Variants in TARBP1 observed in about 807,000 individuals in gnomAD.
TARBP1 encodes the protein tRNA (guanosine(18)-2'-O)-methyltransferase TARBP1.
TARBP1 carries 144 observed loss-of-function variants against 178.6 expected under a neutral mutation model. The observed-to-expected ratio is 0.81, with a 90% confidence interval of 0.70 to 0.93. TARBP1 has a LOEUF of 0.93. Among genes scored for constraint, TARBP1 ranks in the 40% least tolerant of loss-of-function variants. The pLI is 0.00. For synonymous variants in TARBP1, 787 were observed against 781.0 expected (o/e 1.01, Z -0.13); for missense variants, 2,067 against 2,011.7 (o/e 1.03, Z -0.53).
In TARBP1 at chr1:234,392,561, T is replaced by G. The variant is rs370153867; in HGVS notation, c.4561-9A>C. ...AGCTGAGGTGGTTTTACCTGAATAT[T>G]AGTTTAAAAAGAACAGAATATTCAT... On this transcript the variant is annotated splice_polypyrimidine_tract_variant and intron_variant, in intron 28 of 29. Coordinates refer to ENST00000040877, the MANE Select transcript of TARBP1 (RefSeq NM_005646.4). The G allele has an allele frequency of 5.0e-5, 81 of 1,613,078 alleles. No individual in the cohort carries two copies. Among genetic ancestry groups the G allele is most frequent in the African/African-American group, 6.7e-5 (5 of 74,876 alleles).
intron 13 of TARBP1, 66 bp from the exon 14 acceptor site, chr1:234,433,637 C>G: frequency 1.4e-6 from 2 of 1,474,340 alleles, no homozygotes; most frequent in Non-Finnish European, 1.8e-6. Context: ...AACTACAAGC[C>G]TTCAGGCAGG....
At chr1:234,443,720 T>C (rs1665840234) in intron 12 of TARBP1, among the ~76,000 whole-genome samples, 1 of 152,218 alleles carries the variant, frequency 6.6e-6, no homozygotes, top group Non-Finnish European at 1.5e-5. Flanking sequence ...CATCAACAGA[T>C]GAATGGATAA....
At chr1:234,447,920 G>T (rs1007987323) in intron 11 of TARBP1, among the ~76,000 whole-genome samples, 3 of 152,070 alleles carry the variant, frequency 2.0e-5, no homozygotes, top group Admixed American at 6.6e-5. Flanking sequence ...ATTGTATATG[G>T]TTTTTTAATC....
rs766258836 is a variant in TARBP1, at chr1:234,479,152, G to T, written c.-49C>A. On this transcript the variant is annotated 5_prime_UTR_variant, in exon 1 of 30. Coordinates refer to ENST00000040877, the MANE Select transcript of TARBP1 (RefSeq NM_005646.4). ...CCCGGGCTCCCAAAGGAAGGCGCCG[G>T]CGTGTGCGATGCGTGCGCACAGGAC... 1 of 1,460,954 alleles carries T rather than the reference G, an allele frequency of 6.8e-7. No homozygotes were observed. The highest frequency in any genetic ancestry group is 2.8e-5 in the East Asian group (1 of 35,628). 90.5% of individuals were successfully genotyped at this position (1,460,954 alleles called of 1,614,324 possible). A position where few individuals can be genotyped will look rare whatever the true frequency, so the allele number is the denominator to read the frequency against.
chr1:234,441,489 T>C (rs928369662), intron 12 of TARBP1, among the ~76,000 whole-genome samples: 7 of 152,328 alleles, frequency 4.6e-5, no homozygotes, highest in Admixed American at 1.3e-4. Context: ...AAGAACAGAA[T>C]AGAGTCCAGA....
rs1486133651 is a variant in TARBP1, at chr1:234,440,674, C to T, written c.2135-3302G>A. Among the ~76,000 whole-genome samples, 5 of 152,162 alleles carry T rather than the reference C, an allele frequency of 3.3e-5. No homozygotes were observed. The East Asian group carries it at 5.8e-4, about 18-fold the overall frequency. ...TCAAACAAACCAACTCCTAGAATTA[C>T]GTCCTTCAGCAAGGTTACAGGATAC... On this transcript the variant is annotated intron_variant, in intron 12 of 29. Transcript: ENST00000040877.
chr1:234,478,577 C>G lies in TARBP1; in HGVS notation c.527G>C (p.Gly176Ala). 1 of 1,288,746 alleles carries G rather than the reference C, an allele frequency of 7.8e-7. No homozygotes were observed. The highest frequency in any genetic ancestry group is 9.8e-7 in the Non-Finnish European group (1 of 1,021,266). The allele number at this position is 1,288,746 out of a possible 1,614,324, so 79.8% of individuals were successfully genotyped here. A position where few individuals can be genotyped will look rare whatever the true frequency, so the allele number is the denominator to read the frequency against. ...GGCAGGCCCGGCCTCATCCCCGTCCCCGCCCCCGCCCAGCGCCAGGGCGAC... is the reference window on the plus strand; with the variant it reads ...GGCAGGCCCGGCCTCATCCCCGTCCGCGCCCCCGCCCAGCGCCAGGGCGAC... The part of the protein sequence containing the change: ...TAVALALGGG[G>A]DGDEAGPAED... Residue 176 changes from glycine (G) to alanine (A), a missense_variant, in exon 1 of 30, where the codon GGG becomes GCG. By Grantham distance (60) the Gly-to-Ala change is moderately conservative. Coordinates refer to ENST00000040877, the MANE Select transcript of TARBP1 (RefSeq NM_005646.4).
intron 13 of TARBP1, among the ~76,000 whole-genome samples, chr1:234,435,376 T>TTG (rs1189932288): frequency 6.8e-6 from 1 of 147,860 alleles, no homozygotes; most frequent in East Asian, 2.1e-4. Context: ...TACCAGCTAC[T>TTG]CGAGGCTGAG....
intron 9 of TARBP1, among the ~76,000 whole-genome samples, chr1:234,455,848 A>G (rs977748933): frequency 3.9e-5 from 6 of 152,298 alleles, no homozygotes; most frequent in African/African-American, 1.4e-4. Context: ...CAAGTAAAAA[A>G]GAAAAAAAAA....
intron 7 of TARBP1, among the ~76,000 whole-genome samples, chr1:234,459,948 A>G (rs1463818188): frequency 6.6e-6 from 1 of 151,938 alleles, no homozygotes; most frequent in Non-Finnish European, 1.5e-5. Flanking sequence ...TTATTGTTTG[A>G]TATTTTATCT....
chr1:234,474,132 T>C (rs1474815468), intron 1 of TARBP1, among the ~76,000 whole-genome samples: 4 of 151,964 alleles, frequency 2.6e-5, no homozygotes, highest in Non-Finnish European at 5.9e-5. Flanking sequence ...TCGTCCCAGC[T>C]TCTCTGGAGG....
intron 23 of TARBP1, among the ~76,000 whole-genome samples, chr1:234,408,750 C>T (rs933153947): frequency 3.9e-5 from 6 of 152,170 alleles, no homozygotes; most frequent in African/African-American, 1.4e-4. Context: ...GGCCTTCCCC[C>T]TCCCACCAAA....
rs905533596 is a variant in TARBP1 at position 234,416,159 on chromosome 1, C to T, written c.3705+1925G>A. Among the ~76,000 whole-genome samples, 17 of 152,318 alleles carry T rather than the reference C, an allele frequency of 1.1e-4. No individual in the cohort carries two copies. In the South Asian group the frequency reaches 2.5e-3, roughly 22 times the overall value. ...CTTTGTGAGAATTCCTGGGGCAGTG[C>T]TAACCCATTTGAGAGGTGACATAAA... On this transcript the variant is annotated intron_variant, in intron 22 of 29. Coordinates refer to ENST00000040877, the MANE Select transcript of TARBP1 (RefSeq NM_005646.4).
At chr1:234,472,545 A>G (rs962440015) in intron 2 of TARBP1, among the ~76,000 whole-genome samples, 169 bp downstream of exon 2, 4 of 152,190 alleles carry the variant, frequency 2.6e-5, no homozygotes, top group Non-Finnish European at 5.9e-5. Flanking sequence ...TAACTTCCTG[A>G]AACAACTTAC....
At position 234,405,903 on chromosome 1, in the gene TARBP1, C is replaced by G. The variant is rs1372497823; in HGVS notation, c.3989G>C (p.Gly1330Ala). The change falls in exon 24 of 30, where the codon GGG becomes GCG. Residue 1330 changes from glycine to alanine, a missense_variant and splice_region_variant. Coordinates refer to ENST00000040877, the MANE Select transcript of TARBP1 (RefSeq NM_005646.4). ...GATGAGGTTGACGAGGGCTCCTTAC[C>G]CTGCTCCGTGCATGCTTTCCACTTG... ...LHQVESMHGAGNAKKNWQRIQ... is the reference protein window; with the variant it reads ...LHQVESMHGAANAKKNWQRIQ... The G allele has an allele frequency of 2.5e-6, 4 of 1,613,298 alleles. No individual in the cohort carries two copies. The highest frequency in any genetic ancestry group is 1.7e-4 in the Middle Eastern group (1 of 6,056).
chr1:234,441,011 C>G (rs775160706), intron 12 of TARBP1, among the ~76,000 whole-genome samples: 2 of 152,164 alleles, frequency 1.3e-5, no homozygotes, highest in Non-Finnish European at 2.9e-5. Flanking sequence ...CGGCAAAACC[C>G]CATCTCTACT....
intron 5 of TARBP1, among the ~76,000 whole-genome samples, chr1:234,464,135 A>G (rs774942247): frequency 1.3e-5 from 2 of 152,200 alleles, no homozygotes; most frequent in Non-Finnish European, 2.9e-5. Flanking sequence ...AACTTGTAGG[A>G]AAATGGACAT....
chr1:234,394,226 T>C (rs452725), intron 26 of TARBP1, among the ~76,000 whole-genome samples: 2 of 152,214 alleles, frequency 1.3e-5, no homozygotes, highest in Admixed American at 1.3e-4. Context: ...TATATTAGAT[T>C]GGGATTTTCT....
chr1:234,430,872 G>A (rs187457967), intron 14 of TARBP1, among the ~76,000 whole-genome samples: 1 of 152,344 alleles, frequency 6.6e-6, no homozygotes, highest in African/African-American at 2.4e-5. Context: ...ACCAGTATGA[G>A]TGTAGACATA....
Sources: gnomAD v4.1 joint callset for allele counts (sites outside exome capture counted in the v4.1 genomes callset) on GRCh38, gnomAD v4.1.1 for gene constraint, MANE v1.5 for transcripts, NCBI Gene and HGNC (gene_info 2026-07-23, HGNC 2026-07-21) for gene names.